Variants in INTS7 observed in about 807,000 individuals in gnomAD.
INTS7 encodes chromosome 1 open reading frame 73.
A neutral mutation model predicts 109.2 loss-of-function variants in INTS7; 46 were observed. That is an observed-to-expected ratio of 0.42 (90% confidence interval 0.33 to 0.54). The LOEUF (loss-of-function observed/expected upper bound fraction) is 0.54, where lower values mean the gene tolerates loss of function less well. Among genes scored for constraint, INTS7 ranks in the 20% least tolerant of loss-of-function variants. INTS7 has a pLI of 0.07. For synonymous variants in INTS7, 412 were observed against 402.9 expected (o/e 1.02, Z -0.27); for missense variants, 929 against 1,132.4 (o/e 0.82, Z 2.58).
chr1:211,971,384 C>A (rs569445824), intron 13 of INTS7, among the ~76,000 whole-genome samples: 3 of 152,262 alleles, frequency 2.0e-5, no homozygotes, highest in African/African-American at 4.8e-5. Context: ...CTGGAGAAAT[C>A]AAAATGCTTA....
Position 212,016,934 on chromosome 1 carries a change from T to C in INTS7, c.461A>G (p.Glu154Gly). 3 of 1,608,214 alleles carry C rather than the reference T, an allele frequency of 1.9e-6. No homozygotes were observed. The highest frequency in any genetic ancestry group is 2.5e-6 in the Non-Finnish European group (3 of 1,177,730). Residue 154 changes from glutamate (E) to glycine (G), a missense_variant, in exon 4 of 20, where the codon GAA becomes GGA. By Grantham distance (98) the Glu-to-Gly change is moderately conservative. Transcript: ENST00000366994. ...AGCAGCAAAAACAGCAGCTTCAACT[T>C]CTACATTATCATGTGAATCTAAACT... The part of the protein sequence containing the change: ...RQSLDSHDNV[E>G]VEAAVFAAAN...
chr1:211,971,053 G>A (rs775752824), intron 13 of INTS7, among the ~76,000 whole-genome samples: 1 of 152,124 alleles, frequency 6.6e-6, no homozygotes, highest in African/African-American at 2.4e-5. Context: ...TTCCAAATTG[G>A]AGCAGGGGGA....
chr1:211,987,998 A>C lies in INTS7; in HGVS notation c.885T>G (p.Leu295=). 6.5e-7 allele frequency: 1 copy of C among 1,531,064 alleles called. No individual in the cohort carries two copies. Among genetic ancestry groups the C allele is most frequent in the Non-Finnish European group, 9.0e-7 (1 of 1,106,674 alleles). 94.8% of individuals were successfully genotyped at this position (1,531,064 alleles called of 1,614,324 possible). A position where few individuals can be genotyped will look rare whatever the true frequency, so the allele number is the denominator to read the frequency against. Residue 295 remains leucine, a synonymous_variant, in exon 8 of 20, where the codon CTT becomes CTG. Transcript: ENST00000366994. ...AAGGAGTCTGGAGGGCACACTCACA[A>C]AGTGCCTGGAATGCAGAAGAGAAAT... The part of the protein sequence containing the change: ...HTWSRENIQA[L]CECALQTPYD...
intron 17 of INTS7, among the ~76,000 whole-genome samples, chr1:211,951,607 G>A (rs865985523): frequency 1.3e-5 from 2 of 152,112 alleles, no homozygotes; most frequent in African/African-American, 2.4e-5. Flanking sequence ...CACCCGGCCA[G>A]GATGAGTGTT....
At chr1:211,956,463 A>C (rs1663366344) in intron 16 of INTS7, among the ~76,000 whole-genome samples, 1 of 152,114 alleles carries the variant, frequency 6.6e-6, no homozygotes, top group African/African-American at 2.4e-5. Context: ...TTTTTAAAAA[A>C]ATTTTTGTCT....
At chr1:212,003,123 G>A (rs1411943347) in intron 7 of INTS7, among the ~76,000 whole-genome samples, 1 of 151,948 alleles carries the variant, frequency 6.6e-6, no homozygotes, top group African/African-American at 2.4e-5. Context: ...GAAAAGGTGA[G>A]AAAAAGAGAC....
At chr1:211,998,977 A>C (rs533340724) in intron 7 of INTS7, among the ~76,000 whole-genome samples, 1 of 152,216 alleles carries the variant, frequency 6.6e-6, no homozygotes, top group Non-Finnish European at 1.5e-5. Flanking sequence ...TTACAAAACC[A>C]TACAACACAA....
intron 5 of INTS7, among the ~76,000 whole-genome samples, chr1:212,010,895 C>T (rs541777346): frequency 6.6e-6 from 1 of 152,206 alleles, no homozygotes; most frequent in African/African-American, 2.4e-5. Flanking sequence ...ACACAGGATC[C>T]CCATTGTTAA....
chr1:211,956,172 C>G (rs1234177758), intron 16 of INTS7, among the ~76,000 whole-genome samples: 1 of 151,998 alleles, frequency 6.6e-6, no homozygotes, highest in East Asian at 1.9e-4. Flanking sequence ...TATTCTTTTC[C>G]CATACAATTA....
At chr1:212,014,072 G>A (rs567650117) in intron 4 of INTS7, among the ~76,000 whole-genome samples, 1 of 152,176 alleles carries the variant, frequency 6.6e-6, no homozygotes, top group Admixed American at 6.5e-5. Flanking sequence ...ATCAATTACT[G>A]CTGCATCTAT....
intron 7 of INTS7, among the ~76,000 whole-genome samples, chr1:211,993,679 C>CAAAAAAA (rs1333287349): frequency 1.2e-3 from 68 of 54,724 alleles, no homozygotes; most frequent in Non-Finnish European, 1.7e-3. Flanking sequence ...GACTAAAACT[C>CAAAAAAA]AAAAAAAAAA....
Position 211,952,640 on chromosome 1 carries a change from T to A in INTS7, c.2245A>T (p.Met749Leu), listed in dbSNP as rs1280879718. 6.2e-7 allele frequency: 1 copy of A among 1,612,418 alleles called. No homozygotes were observed. The change falls in exon 17 of 20, where the codon ATG (methionine) becomes TTG (leucine). Residue 749 changes from methionine (M) to leucine (L), a missense_variant. Met to Leu is a conservative substitution (Grantham distance 15). Transcript: ENST00000366994. ...HADSEYERRM[M>L]SVYNHVLEEV... ...TCCAAGACATGATTATATACAGACA[T>A]CATTCTTCTTTCATATTCACTATCA... is the stretch of plus-strand genomic sequence containing the variant.
At chr1:212,011,492 T>TAA (rs1666164082) in intron 4 of INTS7, 71 bp from the exon 5 acceptor site, 1 of 942,748 alleles carries the variant, frequency 1.1e-6, no homozygotes, top group Non-Finnish European at 1.7e-6. Flanking sequence ...TTAAAAGAAA[T>TAA]AAAACACAAT....
At chr1:211,972,992 T>C (rs1664249686) in intron 13 of INTS7, among the ~76,000 whole-genome samples, 1 of 152,128 alleles carries the variant, frequency 6.6e-6, no homozygotes. Flanking sequence ...AGACAGAGTC[T>C]CAGGCTGGAG....
chr1:212,007,278 G>A lies in INTS7; in HGVS notation c.728C>T (p.Ala243Val), dbSNP rs141916683. ...CTTAGGTGTATCAACCAAAGATGAC[G>A]CTGCAAGCAGAGTGAAAGTGTGCAA... ...VSLHTFTLLA[A>V]SSLVDTPKQI... Residue 243 changes from alanine to valine, a missense_variant, in exon 6 of 20, where the codon GCG (alanine) becomes GTG (valine). Physicochemically the swap from Ala to Val is moderately conservative, Grantham distance 64. Around this residue, in one of 2 missense-constraint regions of INTS7, gnomAD observed 787 missense variants for 901.1 expected, o/e 0.87. Coordinates refer to ENST00000366994, the MANE Select transcript of INTS7 (RefSeq NM_015434.4). The A allele has an allele frequency of 5.0e-6, 8 of 1,613,726 alleles. No individual in the cohort carries two copies. In the Admixed American group the frequency reaches 5.0e-5, roughly 10 times the overall value.
At chr1:212,024,010 A>T (rs1340058079) in intron 1 of INTS7, among the ~76,000 whole-genome samples, 1 of 152,178 alleles carries the variant, frequency 6.6e-6, no homozygotes. Context: ...TTTGTTGAAG[A>T]TCAGATGGCT....
chr1:212,013,784 T>C (rs1295280220), intron 4 of INTS7, among the ~76,000 whole-genome samples: 3 of 152,218 alleles, frequency 2.0e-5, no homozygotes. Flanking sequence ...TACAGAAACA[T>C]GCTGTACAGG....
intron 16 of INTS7, 145 bp from the exon 17 acceptor site, chr1:211,952,846 G>C: frequency 6.2e-6 from 5 of 806,880 alleles, no homozygotes; most frequent in Non-Finnish European, 9.5e-6. Context: ...ATTGAGGCTA[G>C]GAGAGGGTAA....
Position 212,024,474 on chromosome 1 carries a change from C to T in INTS7, c.95-3262G>A, listed in dbSNP as rs560722660. On this transcript the variant is annotated intron_variant, in intron 1 of 19. Coordinates refer to ENST00000366994, the MANE Select transcript of INTS7 (RefSeq NM_015434.4). The stretch of plus-strand genomic sequence containing the variant: ...ATTTTTTGTTTGGTCTTTCTTAATG[C>T]AGGTAAACATACTATATACATAGCA... 1.1e-4 allele frequency among the ~76,000 whole-genome samples: 16 copies of T among 152,148 alleles called. No individual in the cohort carries two copies. The East Asian group carries it at 2.9e-3, about 28-fold the overall frequency.
Sources: allele counts gnomAD v4.1 joint callset (sites outside exome capture counted in the v4.1 genomes callset), GRCh38; gene constraint gnomAD v4.1.1; regional missense constraint gnomAD v4.1.1; transcripts MANE v1.5; gene names NCBI Gene and HGNC (gene_info 2026-07-23, HGNC 2026-07-21).